The following EPHA10 variants were observed in gnomAD, a reference collection of about 807,000 sequenced individuals.
EPHA10 encodes ephrin type-A receptor 10.
Under a neutral mutation model 109.7 loss-of-function variants are expected in EPHA10, and 120 were observed. That is an observed-to-expected ratio of 1.09 (90% CI 0.94 to 1.27). The LOEUF (loss-of-function observed/expected upper bound fraction) is 1.27, where lower values mean the gene tolerates loss of function less well. Among genes scored for constraint, EPHA10 ranks in the 50% most tolerant of loss-of-function variants. The probability of loss-of-function intolerance (pLI) is 0.00; values close to 1 mark genes in which losing one functional copy is unlikely to be tolerated. For synonymous variants in EPHA10, 640 were observed against 618.9 expected, an observed-to-expected ratio of 1.03 and a Z score of -0.51; for missense variants, 1,396 against 1,411.1, an observed-to-expected ratio of 0.99 and a Z score of 0.17.
chr1:37,721,589 A>G, intron 11 of EPHA10, 71 bp downstream of exon 11: 1 of 1,468,186 alleles, frequency 6.8e-7, no homozygotes, highest in Non-Finnish European at 9.1e-7. Flanking sequence ...GGGCACTCCA[A>G]ACTCCCACAC....
chr1:37,733,216 T>C (rs1646017690), intron 6 of EPHA10, among the ~76,000 whole-genome samples: 1 of 151,776 alleles, frequency 6.6e-6, no homozygotes, highest in South Asian at 2.1e-4. Context: ...TTTGTTGTTT[T>C]TGGGGGTTTT....
chr1:37,750,654 G>A (rs530177691), intron 5 of EPHA10, among the ~76,000 whole-genome samples: 9 of 150,904 alleles, frequency 6.0e-5, no homozygotes, highest in Non-Finnish European at 7.4e-5. Flanking sequence ...ATTATCACTC[G>A]CTGCAGCCTC....
rs767340347 is a variant in EPHA10, at chr1:37,718,341, C to A, written c.*31G>T. The A allele has an allele frequency of 5.8e-6, 9 of 1,546,102 alleles. No individual in the cohort carries two copies. The highest frequency in any genetic ancestry group is 7.9e-6 in the Non-Finnish European group (9 of 1,135,608). ...CAGGGCTGGGGGACTGGACCCCCACCGGAGTCCTGCCTTGGAAGAATGGGG... is the reference window on the plus strand; with the variant it reads ...CAGGGCTGGGGGACTGGACCCCCACAGGAGTCCTGCCTTGGAAGAATGGGG... On this transcript the variant is annotated 3_prime_UTR_variant, in exon 17 of 17. Transcript: ENST00000373048.
Position 37,723,135 on chromosome 1 carries a change from G to A in EPHA10, c.1866C>T (p.Asp622=). ...FKVPTRRTFL[D]PQSCGDLLQA... Reference sequence around the variant, plus strand: ...GCAGCAGGTCCCCACAGCTCTGGGGGTCCAGGAATGTGCGACGTGTTGGGA... The same window carrying A: ...GCAGCAGGTCCCCACAGCTCTGGGGATCCAGGAATGTGCGACGTGTTGGGA... Residue 622 remains aspartate (D), a synonymous_variant, in exon 10 of 17, where the codon GAC becomes GAT. Coordinates refer to ENST00000373048, the MANE Select transcript of EPHA10 (RefSeq NM_001099439.2). 1.2e-6 allele frequency: 2 copies of A among 1,614,108 alleles called. No individual in the cohort carries two copies. The highest frequency in any genetic ancestry group is 1.7e-6 in the Non-Finnish European group (2 of 1,179,958).
intron 5 of EPHA10, among the ~76,000 whole-genome samples, chr1:37,747,073 C>A (rs1345478113): frequency 6.6e-6 from 1 of 152,104 alleles, no homozygotes; most frequent in Non-Finnish European, 1.5e-5. Context: ...AATCACTGAA[C>A]CGTATACTTC....
chr1:37,735,235 T>A (rs1269641302), intron 6 of EPHA10, 22 bp downstream of exon 6: 4 of 1,561,686 alleles, frequency 2.6e-6, no homozygotes, highest in South Asian at 2.4e-5. Context: ...AGGCTCCAGG[T>A]CCCTCCCAGA....
At chr1:37,759,948 T>C (rs1646417825) in intron 3 of EPHA10, among the ~76,000 whole-genome samples, 2 of 152,254 alleles carry the variant, frequency 1.3e-5, no homozygotes, top group African/African-American at 4.8e-5. Context: ...GGAAGGTTCA[T>C]GCCTCCCAGT....
At chr1:37,724,309 C>T (rs1046396759) in intron 8 of EPHA10, among the ~76,000 whole-genome samples, 9 of 152,126 alleles carry the variant, frequency 5.9e-5, no homozygotes, top group African/African-American at 1.4e-4. Flanking sequence ...CACATTTAGA[C>T]ATCTGAGTTT....
chr1:37,751,137 G>A lies in EPHA10; in HGVS notation c.1357+1739C>T, dbSNP rs1263257120. ...GGAGAATGGCGTGAACCCCAGACGCGGAGCTTGTAGTGAGCCAAGATCGCC... is the reference window on the plus strand; with the variant it reads ...GGAGAATGGCGTGAACCCCAGACGCAGAGCTTGTAGTGAGCCAAGATCGCC... On this transcript the variant is annotated intron_variant, in intron 5 of 16. Transcript: ENST00000373048. Among the ~76,000 whole-genome samples the A allele has an allele frequency of 5.9e-4, 86 of 145,342 alleles. 1 individual carries two copies. The highest frequency in any genetic ancestry group is 1.7e-3 in the African/African-American group (67 of 38,996).
In EPHA10 at chr1:37,719,602, G is replaced by C. The variant is rs375221623; in HGVS notation, c.2568C>G (p.Ile856Met). ...PYWDMSGQDV[I>M]KAVEDGFRLP... ...GCCGGAAGCCATCCTCCACAGCCTT[G>C]ATCACCTGGGCCACAGGGGTGGGGA... The change falls in exon 15 of 17, where the codon ATC becomes ATG. Residue 856 changes from isoleucine to methionine, a missense_variant. Physicochemically the swap from Ile to Met is conservative, Grantham distance 10. Coordinates refer to ENST00000373048, the MANE Select transcript of EPHA10 (RefSeq NM_001099439.2). The C allele has an allele frequency of 1.9e-6, 3 of 1,613,204 alleles. No homozygotes were observed. The highest frequency in any genetic ancestry group is 2.7e-5 in the African/African-American group (2 of 74,892).
rs776391156 is a variant in EPHA10, at chr1:37,718,697, T to C, written c.2876A>G (p.Tyr959Cys). 4 of 1,613,190 alleles carry C rather than the reference T, an allele frequency of 2.5e-6. No individual in the cohort carries two copies. Among genetic ancestry groups the C allele is most frequent in the Admixed American group, 1.7e-5 (1 of 60,034 alleles). ...RYKDSFAAAGYGSLEAVAEMT... is the reference protein window; with the variant it reads ...RYKDSFAAAGCGSLEAVAEMT... Reference sequence around the variant, plus strand: ...CTCGGCCACGGCCTCCAGGCTCCCATAGCCAGCAGCCGCGAAGCTGTCCTT... The same window carrying C: ...CTCGGCCACGGCCTCCAGGCTCCCACAGCCAGCAGCCGCGAAGCTGTCCTT... Residue 959 changes from tyrosine (Y) to cysteine (C), a missense_variant, in exon 16 of 17, where the codon TAT becomes TGT. Coordinates refer to ENST00000373048, the MANE Select transcript of EPHA10 (RefSeq NM_001099439.2).
At position 37,764,918 on chromosome 1, in the gene EPHA10, T is replaced by C. The variant is rs930419793; in HGVS notation, c.106+43A>G. The C allele has an allele frequency of 9.8e-6, 15 of 1,534,462 alleles. No homozygotes were observed. In the African/African-American group the frequency reaches 1.9e-4, roughly 19 times the overall value. ...AACCCCCATCGCCAGCCCCCTATCT[T>C]TTGGTATGCCACGCTCCGAGCAGAG... is the stretch of plus-strand genomic sequence containing the variant. On this transcript the variant is annotated intron_variant, in intron 1 of 16. Transcript: ENST00000373048. The surrounding 1 kb of genome is among the most constrained non-coding windows in gnomAD (Gnocchi z 5.8).
intron 5 of EPHA10, among the ~76,000 whole-genome samples, chr1:37,741,655 T>C (rs1400022792): frequency 1.3e-5 from 2 of 151,968 alleles, no homozygotes; most frequent in Non-Finnish European, 2.9e-5. Flanking sequence ...AAAGTGCAAT[T>C]GTAATGAACC....
At chr1:37,719,365 G>A (rs915234192) in intron 15 of EPHA10, 49 bp downstream of exon 15, 1 of 1,587,982 alleles carries the variant, frequency 6.3e-7, no homozygotes, top group East Asian at 2.3e-5. Flanking sequence ...CATGCAGGGA[G>A]GCCCTCCACG....
At chr1:37,760,569 G>A (rs1042502429) in intron 3 of EPHA10, 4 of 448,750 alleles carry the variant, frequency 8.9e-6, no homozygotes, top group South Asian at 1.0e-4. Context: ...TATTTGGTCC[G>A]TGACTGGGAG....
rs200374722 is a variant in EPHA10 at position 37,761,793 on chromosome 1, C to T, written c.462G>A (p.Thr154=). 1 of 1,613,756 alleles carries T rather than the reference C, an allele frequency of 6.2e-7. No homozygotes were observed. The highest frequency in any genetic ancestry group is 1.7e-5 in the Admixed American group (1 of 60,006). The change falls in exon 3 of 17, where the codon ACG becomes ACA. Residue 154 remains threonine (T), a synonymous_variant. Coordinates refer to ENST00000373048, the MANE Select transcript of EPHA10 (RefSeq NM_001099439.2). ...GCGTGAAGCTCTCGTCCGCCGCGATCGTGTCGATTTTGCGGGGCCGGCTGC... is the reference window on the plus strand; with the variant it reads ...GCGTGAAGCTCTCGTCCGCCGCGATTGTGTCGATTTTGCGGGGCCGGCTGC... The part of the protein sequence containing the change: ...LGGSRPRKID[T]IAADESFTQG...
Position 37,727,163 on chromosome 1 carries a change from C to T in EPHA10, c.1711G>A (p.Val571Met), listed in dbSNP as rs1481991561. ...AGGACGAGGAGGGCCGAGATGGTCA[C>T]TACGGTGACGACAATGGCGGGGCTC... ...DQSPAIVVTV[V>M]TISALLVLGS... Residue 571 changes from valine to methionine, a missense_variant, in exon 8 of 17, where the codon GTG becomes ATG. By Grantham distance (21) the Val-to-Met change is conservative. Transcript: ENST00000373048. 6.2e-7 allele frequency: 1 copy of T among 1,612,862 alleles called. No individual in the cohort carries two copies. Among genetic ancestry groups the T allele is most frequent in the Non-Finnish European group, 8.5e-7 (1 of 1,179,366 alleles).
chr1:37,758,016 C>T (rs1226754883), intron 3 of EPHA10, among the ~76,000 whole-genome samples: 4 of 152,212 alleles, frequency 2.6e-5, no homozygotes, highest in African/African-American at 7.2e-5. Context: ...CCCTGGATCT[C>T]TCCCTTTAAC....
intron 5 of EPHA10, among the ~76,000 whole-genome samples, chr1:37,743,439 A>T (rs1188971323): frequency 1.3e-5 from 2 of 152,242 alleles, no homozygotes; most frequent in Non-Finnish European, 2.9e-5. Flanking sequence ...GTGCATCAGC[A>T]AAATTGAAAT....
Sources: allele counts gnomAD v4.1 joint callset (sites outside exome capture counted in the v4.1 genomes callset), GRCh38; gene constraint gnomAD v4.1.1; non-coding constraint Gnocchi (gnomAD v3.1); transcripts MANE v1.5; gene names NCBI Gene and HGNC (gene_info 2026-07-23, HGNC 2026-07-21).